CHMP3: variants seen among roughly 807,000 people sequenced by gnomAD.
CHMP3 encodes the protein 25.1 protein.
In CHMP3, 8 loss-of-function variants were observed where a neutral mutation model predicts 27.4. That is an observed-to-expected ratio of 0.29 (90% CI 0.17 to 0.53). The LOEUF is 0.53. CHMP3 is among the 20% of genes least tolerant of loss of function. CHMP3 has a pLI of 0.96. For missense variants in CHMP3, 208 were observed against 271.5 expected (o/e 0.77, Z 1.64); for synonymous variants, 86 against 85.5 (o/e 1.01, Z -0.03).
Position 86,504,773 on chromosome 2 carries a change from T to A in CHMP3, c.*1031A>T, listed in dbSNP as rs1407446588. The A allele has an allele frequency of 6.6e-6, 1 of 152,206 alleles. No homozygotes were observed. Among genetic ancestry groups the A allele is most frequent in the Non-Finnish European group, 1.5e-5 (1 of 68,038 alleles). The allele number at this position is 152,206 out of a possible 1,614,324, so 9.4% of individuals were successfully genotyped here. A position where few individuals can be genotyped will look rare whatever the true frequency, so the allele number is the denominator to read the frequency against. On this transcript the variant is annotated 3_prime_UTR_variant, in exon 6 of 6. Coordinates refer to ENST00000263856, the MANE Select transcript of CHMP3 (RefSeq NM_016079.4). The stretch of plus-strand genomic sequence containing the variant: ...TCCTGCCTGATTAGTTCAGTGCACA[T>A]ACAACTTGGACCAGAGGATCTGGGT...
At chr2:86,510,252 C>T (rs1266447452) in intron 4 of CHMP3, 106 bp downstream of exon 4, 13 of 1,489,444 alleles carry the variant, frequency 8.7e-6, no homozygotes, top group African/African-American at 1.4e-5. Flanking sequence ...TTCTGTCTAG[C>T]AGGTGTAGTC....
chr2:86,540,054 A>C (rs1272672606), intron 2 of CHMP3, among the ~76,000 whole-genome samples: 1 of 152,046 alleles, frequency 6.6e-6, no homozygotes, highest in Non-Finnish European at 1.5e-5. Context: ...TTCTAATAAG[A>C]ATTTTAAAAT....
At chr2:86,507,829 G>C (rs1674944085) in intron 4 of CHMP3, among the ~76,000 whole-genome samples, 1 of 152,198 alleles carries the variant, frequency 6.6e-6, no homozygotes, top group Non-Finnish European at 1.5e-5. Context: ...TGCTACTACT[G>C]GCTGTCAGCA....
intron 2 of CHMP3, 126 bp from the exon 3 acceptor site, chr2:86,529,523 C>A: frequency 2.2e-6 from 2 of 906,344 alleles, no homozygotes; most frequent in Non-Finnish European, 3.0e-6. Flanking sequence ...TACATAAAAT[C>A]AAAATAACGT....
At chr2:86,542,408 A>G (rs1676402852) in intron 1 of CHMP3, 96 bp from the exon 2 acceptor site, 2 of 1,232,280 alleles carry the variant, frequency 1.6e-6, no homozygotes, top group African/African-American at 3.1e-5. Context: ...TTTATTACAG[A>G]CACAAAATTT....
At chr2:86,534,415 C>CA (rs1676048616) in intron 2 of CHMP3, among the ~76,000 whole-genome samples, 1 of 151,918 alleles carries the variant, frequency 6.6e-6, no homozygotes, top group South Asian at 2.1e-4. Flanking sequence ...AGGCTGGTCT[C>CA]AAACTCCTGA....
At chr2:86,531,272 G>C (rs1675907980) in intron 2 of CHMP3, among the ~76,000 whole-genome samples, 1 of 152,132 alleles carries the variant, frequency 6.6e-6, no homozygotes, top group Non-Finnish European at 1.5e-5. Context: ...GCCTCCCAAA[G>C]TGCTGGAATT....
intron 4 of CHMP3, among the ~76,000 whole-genome samples, chr2:86,509,980 C>G (rs960610114): frequency 6.6e-6 from 1 of 152,184 alleles, no homozygotes; most frequent in African/African-American, 2.4e-5. Context: ...CAGGGATCAG[C>G]AAACTACAGC....
At chr2:86,557,247 T>C (rs1677163007) in intron 1 of CHMP3, among the ~76,000 whole-genome samples, 1 of 152,136 alleles carries the variant, frequency 6.6e-6, no homozygotes, top group African/African-American at 2.4e-5. Context: ...TTGACTGGGG[T>C]AGGGTTAAAC....
intron 4 of CHMP3, among the ~76,000 whole-genome samples, chr2:86,508,739 A>G (rs1326711669): frequency 6.6e-6 from 1 of 152,166 alleles, no homozygotes; most frequent in Non-Finnish European, 1.5e-5. Context: ...GCCTGCCTGA[A>G]TCTAACTAGC....
chr2:86,539,453 TTAGAG>T (rs780954456), intron 2 of CHMP3, among the ~76,000 whole-genome samples: 6 of 152,112 alleles, frequency 3.9e-5, no homozygotes, highest in Non-Finnish European at 5.9e-5. Context: ...CTATATCATG[TTAGAG>T]TAAATTAATA....
At position 86,507,546 on chromosome 2, in the gene CHMP3, G is replaced by T. The variant is rs199633699; in HGVS notation, c.456C>A (p.Asp152Glu). 1.9e-4 allele frequency: 302 copies of T among 1,614,068 alleles called. No individual in the cohort carries two copies. Among genetic ancestry groups the T allele is most frequent in the Non-Finnish European group, 2.4e-4 (289 of 1,180,008 alleles). The change falls in exon 5 of 6, where the codon GAC becomes GAA. Residue 152 changes from aspartate to glutamate, a missense_variant. Physicochemically the swap from Asp to Glu is conservative, Grantham distance 45. Around this residue, in one of 3 missense-constraint regions of CHMP3, gnomAD observed 94 missense variants for 159.6 expected, o/e 0.59. Transcript: ENST00000263856. ...CTTCTTCCTCCATTTCTTCCTGATCGTCCATGCTTTCAAAAGTGTCCTCTA... is the reference window on the plus strand; with the variant it reads ...CTTCTTCCTCCATTTCTTCCTGATCTTCCATGCTTTCAAAAGTGTCCTCTA... The part of the protein sequence containing the change: ...EMLEDTFESM[D>E]DQEEMEEEAE...
chr2:86,519,745 G>T (rs1675455421), intron 3 of CHMP3, among the ~76,000 whole-genome samples: 1 of 152,100 alleles, frequency 6.6e-6, no homozygotes. Flanking sequence ...TTATGCAGGG[G>T]AAAATATTTC....
intron 1 of CHMP3, among the ~76,000 whole-genome samples, chr2:86,560,411 G>C (rs569866119): frequency 6.6e-6 from 1 of 152,268 alleles, no homozygotes; most frequent in East Asian, 1.9e-4. Flanking sequence ...CCTTTGCAGG[G>C]ACATGGATGA....
chr2:86,525,525 C>T (rs1675668893), intron 3 of CHMP3, among the ~76,000 whole-genome samples: 1 of 147,884 alleles, frequency 6.8e-6, no homozygotes, highest in Admixed American at 6.8e-5. Flanking sequence ...AGTGCGAGAT[C>T]TTGTCTCAAA....
At chr2:86,515,923 T>A (rs1675283356) in intron 3 of CHMP3, among the ~76,000 whole-genome samples, 1 of 152,032 alleles carries the variant, frequency 6.6e-6, no homozygotes. Context: ...TTTGTGAGGC[T>A]GATGTGGGTG....
At chr2:86,557,921 AGCCTT>A (rs1677189021) in intron 1 of CHMP3, among the ~76,000 whole-genome samples, 1 of 152,104 alleles carries the variant, frequency 6.6e-6, no homozygotes, top group Non-Finnish European at 1.5e-5. Flanking sequence ...TATTTTTGTA[AGCCTT>A]ATTCCAATCC....
At position 86,504,120 on chromosome 2, in the gene CHMP3, T is replaced by TGAA. The variant is rs1273707251; in HGVS notation, c.*1681_*1683dup. 2.0e-5 allele frequency: 3 copies of TGAA among 152,130 alleles called. No individual in the cohort carries two copies. The highest frequency in any genetic ancestry group is 2.9e-5 in the Non-Finnish European group (2 of 68,020). The allele number at this position is 152,130 out of a possible 1,614,324, so 9.4% of individuals were successfully genotyped here. A position where few individuals can be genotyped will look rare whatever the true frequency, so the allele number is the denominator to read the frequency against. On this transcript the variant is annotated 3_prime_UTR_variant, in exon 6 of 6. Coordinates refer to ENST00000263856, the MANE Select transcript of CHMP3 (RefSeq NM_016079.4). ...ATTAGGGAAGAAAGGGATGAACAGG[T>TGAA]GAAGCATAGAGAAGTTTTAGGGCAG...
intron 1 of CHMP3, among the ~76,000 whole-genome samples, chr2:86,555,479 C>A (rs904670958): frequency 5.4e-5 from 8 of 149,312 alleles, no homozygotes; most frequent in African/African-American, 2.0e-4. Flanking sequence ...TCCAGCCTGG[C>A]GACAGAGCAA....
Sources: allele counts gnomAD v4.1 joint callset (sites outside exome capture counted in the v4.1 genomes callset), GRCh38; gene constraint gnomAD v4.1.1; regional missense constraint gnomAD v4.1.1; transcripts MANE v1.5; gene names NCBI Gene and HGNC (gene_info 2026-07-23, HGNC 2026-07-21).